The following PIEZO2 variants were observed in gnomAD, a reference collection of about 807,000 sequenced individuals.
PIEZO2 encodes piezo type mechanosensitive ion channel component 2.
A neutral mutation model predicts 337.3 loss-of-function variants in PIEZO2; 172 were observed. That is an observed-to-expected ratio of 0.51 (90% CI 0.45 to 0.58). The LOEUF is 0.58. PIEZO2 is among the 20% of genes least tolerant of loss of function. The pLI, the probability that PIEZO2 is intolerant of heterozygous loss-of-function variation, is 0.00. For synonymous variants in PIEZO2, 1,251 were observed against 1,228.5 expected, an observed-to-expected ratio of 1.02 and a Z score of -0.38; for missense variants, 3,028 against 3,391.3, an observed-to-expected ratio of 0.89 and a Z score of 2.66.
At chr18:10,774,902 T>A (rs1344097768) in intron 18 of PIEZO2, among the ~76,000 whole-genome samples, 3 of 152,248 alleles carry the variant, frequency 2.0e-5, no homozygotes, top group African/African-American at 7.2e-5. Context: ...TATTTAACTT[T>A]GTGAAAGTTA....
chr18:10,678,020 C>G, intron 52 of PIEZO2, 145 bp from the exon 53 acceptor site: 1 of 767,834 alleles, frequency 1.3e-6, no homozygotes. Flanking sequence ...TTTCAGTCTA[C>G]TTCACCTCAA....
chr18:10,876,221 GA>G (rs1223229164), intron 4 of PIEZO2, among the ~76,000 whole-genome samples: 1 of 152,094 alleles, frequency 6.6e-6, no homozygotes, highest in Non-Finnish European at 1.5e-5. Flanking sequence ...AGACAAAAGA[GA>G]AAAAAGAAAC....
chr18:10,745,890 C>T (rs941983007), intron 30 of PIEZO2, among the ~76,000 whole-genome samples: 7 of 152,138 alleles, frequency 4.6e-5, no homozygotes, highest in African/African-American at 7.2e-5. Flanking sequence ...TCCACAACTG[C>T]GGTCAGTCTT....
At chr18:10,778,778 C>A (rs1017311342) in intron 18 of PIEZO2, among the ~76,000 whole-genome samples, 3 of 152,174 alleles carry the variant, frequency 2.0e-5, no homozygotes, top group Admixed American at 1.3e-4. Flanking sequence ...AATTAGCTGG[C>A]CTTGTGGCTT....
chr18:10,800,498 GA>G, intron 10 of PIEZO2, 23 bp from the exon 11 acceptor site: 1 of 1,516,792 alleles, frequency 6.6e-7, no homozygotes, highest in South Asian at 1.2e-5. Flanking sequence ...CAGAGAAAGG[GA>G]CAACTGTTAC....
At position 10,952,708 on chromosome 18, in the gene PIEZO2, G is replaced by A. The variant is rs2033352798; in HGVS notation, c.286+26827C>T. Among the ~76,000 whole-genome samples, 1 of 152,066 alleles carries A rather than the reference G, an allele frequency of 6.6e-6. No individual in the cohort carries two copies. The highest frequency in any genetic ancestry group is 2.4e-5 in the African/African-American group (1 of 41,384). On this transcript the variant is annotated intron_variant, in intron 3 of 55. Coordinates refer to ENST00000674853, the MANE Select transcript of PIEZO2 (RefSeq NM_001378183.1). The surrounding 1 kb of genome is among the most constrained non-coding windows in gnomAD (Gnocchi z 4.1). Reference sequence around the variant, plus strand: ...TTCACCGGAGGAAATATCACCCAGTGGGATTCCTGGACTGAATAGTAAGTA... The same window carrying A: ...TTCACCGGAGGAAATATCACCCAGTAGGATTCCTGGACTGAATAGTAAGTA...
rs1359254196 is a variant in PIEZO2, at chr18:11,092,268, T to C, written c.65-26046A>G. 3.3e-5 allele frequency among the ~76,000 whole-genome samples: 5 copies of C among 152,160 alleles called. No individual in the cohort carries two copies. Among genetic ancestry groups the C allele is most frequent in the Non-Finnish European group, 4.4e-5 (3 of 68,026 alleles). On this transcript the variant is annotated intron_variant, in intron 1 of 55. Coordinates refer to ENST00000674853, the MANE Select transcript of PIEZO2 (RefSeq NM_001378183.1). This position sits in a 1 kb window ranked among gnomAD's most constrained non-coding sequence, Gnocchi z 4.5. ...AAATGGTTGAAGATATTAAGAAAAG[T>C]CCATATTATGGAATACTGTTCATCC...
chr18:10,788,211 G>A (rs2039288380), intron 15 of PIEZO2, among the ~76,000 whole-genome samples: 1 of 152,088 alleles, frequency 6.6e-6, no homozygotes, highest in Non-Finnish European at 1.5e-5. Context: ...AAACCAGCCT[G>A]GCCAACATGG....
chr18:10,976,412 G>A (rs1044425500), intron 3 of PIEZO2, among the ~76,000 whole-genome samples: 3 of 152,198 alleles, frequency 2.0e-5, no homozygotes, highest in Admixed American at 6.5e-5. Context: ...ATGGCTGGAA[G>A]TAAAACACTC....
intron 1 of PIEZO2, among the ~76,000 whole-genome samples, chr18:11,088,282 C>A (rs12455358): frequency 1.3e-4 from 20 of 152,176 alleles, no homozygotes; most frequent in Admixed American, 2.6e-4. Context: ...AGCTCCCACT[C>A]TGACTCTCTT....
intron 1 of PIEZO2, among the ~76,000 whole-genome samples, chr18:11,136,415 C>G (rs2040488002): frequency 6.6e-6 from 1 of 152,224 alleles, no homozygotes; most frequent in African/African-American, 2.4e-5. Context: ...GCCTTGTAAT[C>G]TGACCTTTCA....
Position 10,680,317 on chromosome 18 carries a change from G to A in PIEZO2, c.7834C>T (p.Leu2612=). 6.2e-7 allele frequency: 1 copy of A among 1,614,044 alleles called. No individual in the cohort carries two copies. Among genetic ancestry groups the A allele is most frequent in the South Asian group, 1.1e-5 (1 of 91,072 alleles). Reference sequence around the variant, plus strand: ...CACAAAGAATTTGAGTTTCCTTCCAGTTCTGCTACTGTTATGTCTTCTTTT... The same window carrying A: ...CACAAAGAATTTGAGTTTCCTTCCAATTCTGCTACTGTTATGTCTTCTTTT... ...YEKEDITVAE[L]EGNSNSLWTI... is the part of the protein sequence containing the mutation. The change falls in exon 52 of 56, where the codon CTG becomes TTG. Residue 2612 remains leucine (L), a synonymous_variant. Transcript: ENST00000674853.
In PIEZO2 at chr18:10,979,725, T is replaced by G. The variant is rs942432268; in HGVS notation, c.161-65A>C. 5.0e-6 allele frequency: 7 copies of G among 1,404,852 alleles called. No individual in the cohort carries two copies. In the Admixed American group the frequency reaches 1.6e-4, roughly 33 times the overall value. The allele number at this position is 1,404,852 out of a possible 1,614,324, so 87.0% of individuals were successfully genotyped here. On this transcript the variant is annotated intron_variant, in intron 2 of 55. Transcript: ENST00000674853. The surrounding 1 kb of genome is among the most constrained non-coding windows in gnomAD (Gnocchi z 4.0). ...GATGAAACACACTGGTGCTGTCTCT[T>G]GTACATATTTCTGTATAACCTATTA... is the stretch of plus-strand genomic sequence containing the variant.
intron 20 of PIEZO2, among the ~76,000 whole-genome samples, chr18:10,771,040 T>C (rs962385234): frequency 2.0e-5 from 3 of 152,286 alleles, no homozygotes; most frequent in Non-Finnish European, 4.4e-5. Context: ...GCCCCCTTAA[T>C]CTTATTTACT....
intron 1 of PIEZO2, among the ~76,000 whole-genome samples, chr18:11,145,003 A>G (rs978751954): frequency 5.3e-5 from 8 of 152,236 alleles, no homozygotes; most frequent in African/African-American, 1.9e-4. Flanking sequence ...CGGGTGGTAT[A>G]GTAGAATCCT....
intron 3 of PIEZO2, among the ~76,000 whole-genome samples, chr18:10,938,481 T>C (rs1210660606): frequency 2.6e-5 from 4 of 152,220 alleles, no homozygotes; most frequent in African/African-American, 4.8e-5. Context: ...TAAATCAGTC[T>C]CCTTAAGAGG....
At chr18:10,782,201 T>G (rs1333609669) in intron 17 of PIEZO2, among the ~76,000 whole-genome samples, 1 of 135,766 alleles carries the variant, frequency 7.4e-6, no homozygotes, top group Non-Finnish European at 1.5e-5. Flanking sequence ...TCATATTATA[T>G]ATCATATAAT....
At chr18:10,717,255 T>C (rs1485401090) in intron 37 of PIEZO2, among the ~76,000 whole-genome samples, 1 of 152,196 alleles carries the variant, frequency 6.6e-6, no homozygotes, top group Non-Finnish European at 1.5e-5. Flanking sequence ...TTGGCAGCTG[T>C]TACGGTGTGA....
Position 10,833,338 on chromosome 18 carries a change from T to C in PIEZO2, c.917+22015A>G, listed in dbSNP as rs2040908124. Among the ~76,000 whole-genome samples, 1 of 152,108 alleles carries C rather than the reference T, an allele frequency of 6.6e-6. No individual in the cohort carries two copies. The highest frequency in any genetic ancestry group is 2.1e-4 in the South Asian group (1 of 4,822). Reference sequence around the variant, plus strand: ...TTTCCTGTGTTCTCTTTTCTTCTGGTACTTCGGAGCCCACTGTGACACCTG... The same window carrying C: ...TTTCCTGTGTTCTCTTTTCTTCTGGCACTTCGGAGCCCACTGTGACACCTG... On this transcript the variant is annotated intron_variant, in intron 7 of 55. Coordinates refer to ENST00000674853, the MANE Select transcript of PIEZO2 (RefSeq NM_001378183.1). This position sits in a 1 kb window ranked among gnomAD's most constrained non-coding sequence, Gnocchi z 4.7.
Sources: gnomAD v4.1 joint callset for allele counts (sites outside exome capture counted in the v4.1 genomes callset) on GRCh38, gnomAD v4.1.1 for gene constraint, Gnocchi (gnomAD v3.1) non-coding constraint, MANE v1.5 for transcripts, NCBI Gene and HGNC (gene_info 2026-07-23, HGNC 2026-07-21) for gene names.